Variants in ATP4A observed in about 807,000 individuals in gnomAD.
ATP4A encodes the protein potassium-transporting ATPase alpha chain 1.
A neutral mutation model predicts 112.1 loss-of-function variants in ATP4A; 73 were observed. The ratio of observed to expected loss-of-function variants is 0.65; its 90% CI spans 0.54 to 0.79. The LOEUF (loss-of-function observed/expected upper bound fraction) is 0.79. Ranked by LOEUF, ATP4A falls within the 30% of genes least tolerant of loss-of-function variation. The probability of loss-of-function intolerance (pLI) is 0.00; values close to 1 mark genes in which losing one functional copy is unlikely to be tolerated. For missense variants in ATP4A, 1,081 were observed against 1,425.9 expected, an observed-to-expected ratio of 0.76 and a Z score of 3.90; for synonymous variants, 588 against 588.9, an observed-to-expected ratio of 1.00 and a Z score of 0.02.
chr19:35,558,783 C>T lies in ATP4A; in HGVS notation c.1256-97G>A. ...AGGCTCATATCGCGGGCCCCCTCCCCAGACCTGGGTGGAATTGGGTTCCAC... is the reference window on the plus strand; with the variant it reads ...AGGCTCATATCGCGGGCCCCCTCCCTAGACCTGGGTGGAATTGGGTTCCAC... On this transcript the variant is annotated intron_variant, in intron 8 of 21. Transcript: ENST00000262623. This position sits in a 1 kb window ranked among gnomAD's most constrained non-coding sequence, Gnocchi z 5.1. 2 of 1,374,884 alleles carry T rather than the reference C, an allele frequency of 1.5e-6. No individual in the cohort carries two copies. The highest frequency in any genetic ancestry group is 2.0e-6 in the Non-Finnish European group (2 of 1,025,390). The allele number at this position is 1,374,884 out of a possible 1,614,324, so 85.2% of individuals were successfully genotyped here. A position where few individuals can be genotyped will look rare whatever the true frequency, so the allele number is the denominator to read the frequency against.
In ATP4A at chr19:35,558,976, C is replaced by A. The variant is rs769328275; in HGVS notation, c.1255+17G>T. ...ACCAGATCCTGCCCTGGCGCCTGTG[C>A]CCTCCCTCCCCCACACCTGACTGGT... is the stretch of plus-strand genomic sequence containing the variant. On this transcript the variant is annotated intron_variant, in intron 8 of 21. Coordinates refer to ENST00000262623, the MANE Select transcript of ATP4A (RefSeq NM_000704.3). The surrounding 1 kb of genome is among the most constrained non-coding windows in gnomAD (Gnocchi z 5.1). 1.2e-6 allele frequency: 2 copies of A among 1,613,504 alleles called. No individual in the cohort carries two copies. The highest frequency in any genetic ancestry group is 4.5e-5 in the East Asian group (2 of 44,868).
rs1046194969 is a variant in ATP4A at position 35,551,136 on chromosome 19, G to C, written c.2886-25C>G. 35 of 1,583,330 alleles carry C rather than the reference G, an allele frequency of 2.2e-5. No homozygotes were observed. The highest frequency in any genetic ancestry group is 2.9e-5 in the Non-Finnish European group (34 of 1,163,308). ...CCTGGGGGTGGGCAGAATGGGACAG[G>C]CCATTAGGAATTGGGGACGTGATGG... On this transcript the variant is annotated intron_variant, in intron 19 of 21. Transcript: ENST00000262623. This position sits in a 1 kb window ranked among gnomAD's most constrained non-coding sequence, Gnocchi z 5.2.
At position 35,551,344 on chromosome 19, in the gene ATP4A, C is replaced by G. The variant is rs569923082; in HGVS notation, c.2885+103G>C. The G allele has an allele frequency of 1.3e-6, 2 of 1,570,130 alleles. No homozygotes were observed. The highest frequency in any genetic ancestry group is 1.7e-5 in the Admixed American group (1 of 57,848). ...TTTTTTGGCATGTCACCATCTGGCACTGGCACCCGCTGGCATTTGCCGGCT... is the reference window on the plus strand; with the variant it reads ...TTTTTTGGCATGTCACCATCTGGCAGTGGCACCCGCTGGCATTTGCCGGCT... On this transcript the variant is annotated intron_variant, in intron 19 of 21. Transcript: ENST00000262623. The surrounding 1 kb of genome is among the most constrained non-coding windows in gnomAD (Gnocchi z 5.2).
intron 12 of ATP4A, 130 bp downstream of exon 12, chr19:35,556,783 T>A (rs2071633492): frequency 9.0e-7 from 1 of 1,116,420 alleles, no homozygotes; most frequent in Admixed American, 2.8e-5. Flanking sequence ...CCCCAGAATT[T>A]TTCAGTATCA....
intron 12 of ATP4A, 73 bp downstream of exon 12, chr19:35,556,840 T>C: frequency 2.6e-6 from 4 of 1,545,478 alleles, no homozygotes; most frequent in Non-Finnish European, 3.5e-6. Context: ...GGGTTTGTCA[T>C]GGGGTTCTTC....
In ATP4A at chr19:35,558,245, T is replaced by C; in HGVS notation, c.1500+117A>G. ...GCGGAGCGGGAGATGGGGTGGGGTTTGGCTGCGGAGAGAAGGGGCAAGGAG... is the reference window on the plus strand; with the variant it reads ...GCGGAGCGGGAGATGGGGTGGGGTTCGGCTGCGGAGAGAAGGGGCAAGGAG... On this transcript the variant is annotated intron_variant, in intron 10 of 21. Coordinates refer to ENST00000262623, the MANE Select transcript of ATP4A (RefSeq NM_000704.3). The surrounding 1 kb of genome is among the most constrained non-coding windows in gnomAD (Gnocchi z 5.1). 7.5e-7 allele frequency: 1 copy of C among 1,339,926 alleles called. No homozygotes were observed. 83.0% of individuals were successfully genotyped at this position (1,339,926 alleles called of 1,614,324 possible).
At position 35,558,478 on chromosome 19, in the gene ATP4A, C is replaced by T; in HGVS notation, c.1384G>A (p.Ala462Thr). 4 of 1,598,090 alleles carry T rather than the reference C, an allele frequency of 2.5e-6. No individual in the cohort carries two copies. The highest frequency in any genetic ancestry group is 1.8e-5 in the Admixed American group (1 of 56,466). ...PVPKRIVIGD[A>T]SETALLKFSE... The stretch of plus-strand genomic sequence containing the variant: ...AACTTGAGCAGCGCCGTCTCCGATG[C>T]GTCTCCAATCACGATGCGCTGGGAG... Residue 462 changes from alanine (A) to threonine (T), a missense_variant, in exon 10 of 22, where the codon GCA becomes ACA. By Grantham distance (58) the Ala-to-Thr change is moderately conservative. Coordinates refer to ENST00000262623, the MANE Select transcript of ATP4A (RefSeq NM_000704.3). The surrounding 1 kb of genome is among the most constrained non-coding windows in gnomAD (Gnocchi z 5.1).
chr19:35,554,902 AC>A lies in ATP4A; in HGVS notation c.2481+19del. ...GTCTCTGGGCACCCTGTGGATGGGT[AC>A]CCTGGGCTGTGGACTTACAATGTCA... On this transcript the variant is annotated intron_variant, in intron 16 of 21. Coordinates refer to ENST00000262623, the MANE Select transcript of ATP4A (RefSeq NM_000704.3). 6.2e-7 allele frequency: 1 copy of A among 1,613,682 alleles called. No individual in the cohort carries two copies. Among genetic ancestry groups the A allele is most frequent in the South Asian group, 1.1e-5 (1 of 91,036 alleles).
Position 35,550,785 on chromosome 19 carries a change from C to T in ATP4A, c.3079+49G>A, listed in dbSNP as rs201163746. On this transcript the variant is annotated intron_variant, in intron 21 of 21. Coordinates refer to ENST00000262623, the MANE Select transcript of ATP4A (RefSeq NM_000704.3). This position sits in a 1 kb window ranked among gnomAD's most constrained non-coding sequence, Gnocchi z 4.1. ...TGAGGATCAAAGGTGGGTGCAGCTG[C>T]TCAAACGTTTCAGTCCCCTGCCCCC... 1,363 of 1,611,724 alleles carry T rather than the reference C, an allele frequency of 8.5e-4. 10 individuals are homozygous for T. The Middle Eastern group carries it at 0.011, about 13-fold the overall frequency.
At chr19:35,562,388 AT>A (rs2071675899) in intron 4 of ATP4A, 46 bp downstream of exon 4, 2 of 1,584,808 alleles carry the variant, frequency 1.3e-6, no homozygotes, top group East Asian at 4.5e-5. Flanking sequence ...AGTGTCTTCC[AT>A]CCCCAGGTCC....
Position 35,557,027 on chromosome 19 carries a change from C to T in ATP4A, c.1755G>A (p.Glu585=). The change falls in exon 12 of 22, where the codon GAG becomes GAA. Residue 585 remains glutamate (E), a synonymous_variant. Coordinates refer to ENST00000262623, the MANE Select transcript of ATP4A (RefSeq NM_000704.3). This position sits in a 1 kb window ranked among gnomAD's most constrained non-coding sequence, Gnocchi z 4.4. ...GGCCGCTAGATGGAAAGTTCATGGC[C>T]TCTACGTCGAAGGCATAGCCAGGCG... ...DYPPGYAFDV[E]AMNFPSSGLC... 2 of 1,614,212 alleles carry T rather than the reference C, an allele frequency of 1.2e-6. No individual in the cohort carries two copies. Among genetic ancestry groups the T allele is most frequent in the Non-Finnish European group, 1.7e-6 (2 of 1,180,034 alleles).
At chr19:35,556,424 A>G (rs2071631907) in intron 12 of ATP4A, among the ~76,000 whole-genome samples, 1 of 151,922 alleles carries the variant, frequency 6.6e-6, no homozygotes, top group African/African-American at 2.4e-5. Flanking sequence ...TTGGGGAACC[A>G]CTCCTCTCCC....
Position 35,555,832 on chromosome 19 carries a change from ATCACTGACCCCT to A in ATP4A, c.1870-32_1870-21del. On this transcript the variant is annotated intron_variant, in intron 12 of 21. Coordinates refer to ENST00000262623, the MANE Select transcript of ATP4A (RefSeq NM_000704.3). This position sits in a 1 kb window ranked among gnomAD's most constrained non-coding sequence, Gnocchi z 6.6. ...GATCACCTGTAGGGGGAACCAGTGG[ATCACTGACCCCT>A]TCAGATCAGCCCAATCTCCCTGTCC... The A allele has an allele frequency of 6.3e-7, 1 of 1,591,506 alleles. No homozygotes were observed. Among genetic ancestry groups the A allele is most frequent in the Admixed American group, 1.7e-5 (1 of 59,414 alleles).
At position 35,555,421 on chromosome 19, in the gene ATP4A, C is replaced by T. The variant is rs1157530244; in HGVS notation, c.2157+19G>A. On this transcript the variant is annotated intron_variant, in intron 14 of 21. Transcript: ENST00000262623. The surrounding 1 kb of genome is among the most constrained non-coding windows in gnomAD (Gnocchi z 6.6). ...CCCGCCTGTCTGCCCGCCTGCCCAC[C>T]CTCATCAGCAGGGCTCACCAGCCGC... 2 of 1,609,248 alleles carry T rather than the reference C, an allele frequency of 1.2e-6. No individual in the cohort carries two copies. The highest frequency in any genetic ancestry group is 1.7e-6 in the Non-Finnish European group (2 of 1,177,108).
chr19:35,559,889 A>C lies in ATP4A; in HGVS notation c.972T>G (p.Ile324Met). The C allele has an allele frequency of 6.2e-7, 1 of 1,614,218 alleles. No homozygotes were observed. ...GATFFIVAMC[I>M]GYTFLRAMVF... ...CCATGGCCCGCAGGAAGGTGTAGCC[A>C]ATGCACATGGCCACAATAAAAAATG... Residue 324 changes from isoleucine to methionine, a missense_variant, in exon 7 of 22, where the codon ATT becomes ATG. Around this residue, in one of 3 missense-constraint regions of ATP4A, gnomAD observed 850 missense variants for 1,068.2 expected, o/e 0.80. Coordinates refer to ENST00000262623, the MANE Select transcript of ATP4A (RefSeq NM_000704.3). The surrounding 1 kb of genome is among the most constrained non-coding windows in gnomAD (Gnocchi z 4.1).
At chr19:35,563,166 C>G in intron 3 of ATP4A, 43 bp downstream of exon 3, 2 of 1,609,362 alleles carry the variant, frequency 1.2e-6, no homozygotes, top group Non-Finnish European at 1.7e-6. Flanking sequence ...CTCCCTCCCT[C>G]TCTCCTCCTC....
rs2071638125 is a variant in ATP4A at position 35,557,538 on chromosome 19, A to G, written c.1693+117T>C. ...GTCAAGGGTGAGGCTGTGGACTGCG[A>G]CAAATCAGCCAGCAGCCAGGGATGA... On this transcript the variant is annotated intron_variant, in intron 11 of 21. Coordinates refer to ENST00000262623, the MANE Select transcript of ATP4A (RefSeq NM_000704.3). The surrounding 1 kb of genome is among the most constrained non-coding windows in gnomAD (Gnocchi z 4.4). The G allele has an allele frequency of 7.8e-7, 1 of 1,278,230 alleles. No homozygotes were observed. The highest frequency in any genetic ancestry group is 1.1e-6 in the Non-Finnish European group (1 of 938,128). 79.2% of individuals were successfully genotyped at this position (1,278,230 alleles called of 1,614,324 possible). A position where few individuals can be genotyped will look rare whatever the true frequency, so the allele number is the denominator to read the frequency against.
chr19:35,562,912 G>T (rs7246096), intron 3 of ATP4A, among the ~76,000 whole-genome samples: 25,871 of 149,830 alleles, frequency 0.17, 2,558 homozygotes, highest in African/African-American at 0.26. Flanking sequence ...TCTCTTTTCA[G>T]CTACTCCTCT....
At position 35,560,426 on chromosome 19, in the gene ATP4A, A is replaced by G. The variant is rs2071661890; in HGVS notation, c.724T>C (p.Cys242Arg). ...GTCTCCAGAGGGCTCTCGTGCGTGCACTCGGGTGAGCGGGTCTGTGGCTCA... is the reference window on the plus strand; with the variant it reads ...GTCTCCAGAGGGCTCTCGTGCGTGCGCTCGGGTGAGCGGGTCTGTGGCTCA... ...ESEPQTRSPE[C>R]THESPLETRN... Residue 242 changes from cysteine (C) to arginine (R), a missense_variant, in exon 6 of 22, where the codon TGC (cysteine) becomes CGC (arginine). By Grantham distance (180) the Cys-to-Arg change is radical (BLOSUM62 -3). Around this residue, in one of 3 missense-constraint regions of ATP4A, gnomAD observed 850 missense variants for 1,068.2 expected, o/e 0.80. Coordinates refer to ENST00000262623, the MANE Select transcript of ATP4A (RefSeq NM_000704.3). This position sits in a 1 kb window ranked among gnomAD's most constrained non-coding sequence, Gnocchi z 5.1. The G allele has an allele frequency of 6.2e-7, 1 of 1,613,948 alleles. No homozygotes were observed. The highest frequency in any genetic ancestry group is 8.5e-7 in the Non-Finnish European group (1 of 1,179,994).
Sources: allele counts gnomAD v4.1 joint callset (sites outside exome capture counted in the v4.1 genomes callset), GRCh38; gene constraint gnomAD v4.1.1; regional missense constraint gnomAD v4.1.1; non-coding constraint Gnocchi (gnomAD v3.1); transcripts MANE v1.5; gene names NCBI Gene and HGNC (gene_info 2026-07-23, HGNC 2026-07-21).